Variants in GRAMD1B observed in about 807,000 individuals in gnomAD.
GRAMD1B encodes GRAM domain containing 1B.
GRAMD1B carries 37 observed loss-of-function variants against 99.7 expected under a neutral mutation model. That is an observed-to-expected ratio of 0.37 (90% CI 0.29 to 0.49). GRAMD1B has a LOEUF of 0.49. Ranked by LOEUF, GRAMD1B falls within the 20% of genes least tolerant of loss-of-function variation. The pLI is 0.98. For synonymous variants in GRAMD1B, 427 were observed against 387.6 expected (o/e 1.10, Z -1.19); for missense variants, 888 against 1,009.2 (o/e 0.88, Z 1.63).
At chr11:123,471,371 T>C (rs1247139252) in intron 1 of GRAMD1B, among the ~76,000 whole-genome samples, 1 of 152,200 alleles carries the variant, frequency 6.6e-6, no homozygotes, top group Non-Finnish European at 1.5e-5. Context: ...ACCCAGTATC[T>C]AGATTCTAGA....
chr11:123,462,538 A>G (rs1308469546), intron 1 of GRAMD1B, among the ~76,000 whole-genome samples: 1 of 152,228 alleles, frequency 6.6e-6, no homozygotes, highest in African/African-American at 2.4e-5. Flanking sequence ...CTTCAGTCTC[A>G]TCAGTGAGGT....
At chr11:123,481,394 C>A (rs1399135384) in intron 2 of GRAMD1B, among the ~76,000 whole-genome samples, 1 of 152,150 alleles carries the variant, frequency 6.6e-6, no homozygotes, top group Non-Finnish European at 1.5e-5. Flanking sequence ...GCAGAGGTTG[C>A]AGTGAGCCAA....
rs77053082 is a variant in GRAMD1B, at chr11:123,390,479, G to A, written c.-176+31680G>A. Among the ~76,000 whole-genome samples, 1,022 of 152,162 alleles carry A rather than the reference G, an allele frequency of 6.7e-3. 10 individuals are homozygous for A. The highest frequency in any genetic ancestry group is 0.022 in the African/African-American group (933 of 41,508). The stretch of plus-strand genomic sequence containing the variant: ...CATCTATCTCTAGAAATGGATATCC[G>A]TCCAAAAACAAAACAAAATAAAAGA... On this transcript the variant is annotated intron_variant, in intron 1 of 20. Transcript: ENST00000638157.
At chr11:123,427,091 A>G (rs1948680167), upstream of GRAMD1B, among the ~76,000 whole-genome samples, 1 of 152,198 alleles carries the variant, frequency 6.6e-6, no homozygotes, top group Admixed American at 6.5e-5. Context: ...TGTTTCACAG[A>G]GAACTGTGCG....
chr11:123,358,766 G>C (rs1477925432), exon 1 of GRAMD1B: 1 of 152,642 alleles, frequency 6.6e-6, no homozygotes, highest in African/African-American at 2.4e-5. Context: ...CCCGAACCGG[G>C]TGTCCACATG....
intron 1 of GRAMD1B, among the ~76,000 whole-genome samples, chr11:123,415,167 A>G (rs972814007): frequency 8.2e-6 from 1 of 122,338 alleles, no homozygotes; most frequent in African/African-American, 3.3e-5. Flanking sequence ...CAGTGGCGCG[A>G]TCTTGGATCA....
chr11:123,432,605 C>T (rs942531216), intron 1 of GRAMD1B, among the ~76,000 whole-genome samples: 2 of 150,036 alleles, frequency 1.3e-5, no homozygotes, highest in Non-Finnish European at 3.0e-5. Context: ...GGAAAACATA[C>T]TGTGCTGTGT....
At chr11:123,464,136 C>T (rs1200470661) in intron 1 of GRAMD1B, among the ~76,000 whole-genome samples, 1 of 146,626 alleles carries the variant, frequency 6.8e-6, no homozygotes. Flanking sequence ...GACCCCATTT[C>T]TAAAAAAAAA....
intron 3 of GRAMD1B, among the ~76,000 whole-genome samples, chr11:123,583,689 A>G (rs1214842892): frequency 6.6e-6 from 1 of 151,948 alleles, no homozygotes; most frequent in Non-Finnish European, 1.5e-5. Context: ...CTTGTTCTGA[A>G]TTATGGCACC....
At chr11:123,612,615 G>T in intron 14 of GRAMD1B, 146 bp from the exon 15 acceptor site, 1 of 686,256 alleles carries the variant, frequency 1.5e-6, no homozygotes. Context: ...ACTTCAGAGG[G>T]TGAGATGGAT....
intron 1 of GRAMD1B, among the ~76,000 whole-genome samples, chr11:123,423,772 T>C (rs116704149): frequency 0.017 from 2,578 of 152,336 alleles, 72 homozygotes; most frequent in African/African-American, 0.059. Flanking sequence ...TTTAAATTTG[T>C]GTTCATCTTC....
intron 11 of GRAMD1B, 109 bp from the exon 12 acceptor site, chr11:123,608,550 T>C (rs1953060695): frequency 1.3e-6 from 2 of 1,546,498 alleles, no homozygotes; most frequent in African/African-American, 1.4e-5. Flanking sequence ...CATACCCTTG[T>C]TGACTGTGCT....
chr11:123,592,715 T>C (rs1592175078), intron 4 of GRAMD1B, among the ~76,000 whole-genome samples: 2 of 152,218 alleles, frequency 1.3e-5, no homozygotes, highest in Non-Finnish European at 2.9e-5. Flanking sequence ...CGTTTTGTTT[T>C]GTTTTTGTAG....
upstream of GRAMD1B, among the ~76,000 whole-genome samples, chr11:123,428,700 A>G (rs1160884963): frequency 1.3e-5 from 2 of 152,256 alleles, no homozygotes; most frequent in Non-Finnish European, 2.9e-5. Context: ...ATTTACTTGC[A>G]GTGAATTCTT....
intron 2 of GRAMD1B, among the ~76,000 whole-genome samples, chr11:123,482,322 C>T (rs1649788168): frequency 6.6e-6 from 1 of 152,172 alleles, no homozygotes; most frequent in Non-Finnish European, 1.5e-5. Flanking sequence ...TGGTCTTGAA[C>T]TCCTGGCCTC....
intron 1 of GRAMD1B, among the ~76,000 whole-genome samples, chr11:123,476,390 C>G (rs898693787): frequency 1.3e-5 from 2 of 152,198 alleles, no homozygotes; most frequent in Non-Finnish European, 2.9e-5. Context: ...CGTGAGCCAC[C>G]GCACCCGGCC....
chr11:123,625,240 CAA>C lies in GRAMD1B; in HGVS notation c.*2648_*2649del, dbSNP rs1179674861. 1.3e-5 allele frequency: 2 copies of C among 152,212 alleles called. No individual in the cohort carries two copies. Among genetic ancestry groups the C allele is most frequent in the Non-Finnish European group, 2.9e-5 (2 of 68,032 alleles). The allele number at this position is 152,212 out of a possible 1,614,324, so 9.4% of individuals were successfully genotyped here. On this transcript the variant is annotated 3_prime_UTR_variant, in exon 20 of 20. Coordinates refer to ENST00000635736, the MANE Select transcript of GRAMD1B (RefSeq NM_001387025.1). The stretch of plus-strand genomic sequence containing the variant: ...CTAGTTGCTGTCTACAAGGGAGCAT[CAA>C]AACATCACTACTTCTTATGTAACTT...
Position 123,587,491 on chromosome 11 carries a change from A to T in GRAMD1B, c.684+3159A>T, listed in dbSNP as rs1054650632. ...CAGCAGGGAGCCAAGGGCAGAGTTG[A>T]GGGGCAACCTGGCCAGGGCCACTGG... On this transcript the variant is annotated intron_variant, in intron 4 of 19. Transcript: ENST00000635736. The surrounding 1 kb of genome is among the most constrained non-coding windows in gnomAD (Gnocchi z 4.2). Among the ~76,000 whole-genome samples, 1 of 152,224 alleles carries T rather than the reference A, an allele frequency of 6.6e-6. No homozygotes were observed. The highest frequency in any genetic ancestry group is 1.5e-5 in the Non-Finnish European group (1 of 68,034).
chr11:123,556,319 T>C (rs2135937494), intron 2 of GRAMD1B, among the ~76,000 whole-genome samples: 1 of 152,384 alleles, frequency 6.6e-6, no homozygotes, highest in East Asian at 1.9e-4. Flanking sequence ...ATTTTATTAG[T>C]ATGCAGGTGG....
Sources: gnomAD v4.1 joint callset for allele counts (sites outside exome capture counted in the v4.1 genomes callset) on GRCh38, gnomAD v4.1.1 for gene constraint, Gnocchi (gnomAD v3.1) non-coding constraint, MANE v1.5 for transcripts, NCBI Gene and HGNC (gene_info 2026-07-23, HGNC 2026-07-21) for gene names.